GUCY1A2: variants seen among roughly 807,000 people sequenced by gnomAD.
The protein encoded by GUCY1A2 is guanylate cyclase soluble subunit alpha-2.
In GUCY1A2, 27 loss-of-function variants were observed where a neutral mutation model predicts 63.5. That is an observed-to-expected ratio of 0.43 (90% CI 0.31 to 0.59). The LOEUF (loss-of-function observed/expected upper bound fraction) is 0.59. GUCY1A2 is among the 20% of genes least tolerant of loss of function. The pLI is 0.11. For synonymous variants in GUCY1A2, 364 were observed against 343.5 expected (o/e 1.06, Z -0.66); for missense variants, 768 against 913.3 (o/e 0.84, Z 2.05).
At chr11:106,738,818 G>A (rs1422031012) in intron 6 of GUCY1A2, among the ~76,000 whole-genome samples, 1 of 152,118 alleles carries the variant, frequency 6.6e-6, no homozygotes, top group Admixed American at 6.6e-5. Context: ...TTTGAAGTCA[G>A]GTAGTGTGAT....
chr11:106,896,751 G>A (rs7127202), intron 4 of GUCY1A2, among the ~76,000 whole-genome samples: 111,274 of 152,148 alleles, frequency 0.73, 41,204 homozygotes, highest in African/African-American at 0.82. Flanking sequence ...AGCATCCCTC[G>A]CCAGACACCA....
At position 106,680,084 on chromosome 11, in the gene GUCY1A2, TC is replaced by T. The variant is rs1862407643; in HGVS notation, c.*7464del. The stretch of plus-strand genomic sequence containing the variant: ...CTCTCCTTTAAGAGTCTCTACATCT[TC>T]CTGAATAAAAAACTAACTCTCTTTG... On this transcript the variant is annotated 3_prime_UTR_variant, in exon 8 of 8. Coordinates refer to ENST00000526355, the MANE Select transcript of GUCY1A2 (RefSeq NM_000855.3). 4.6e-6 allele frequency: 1 copy of T among 215,428 alleles called. No homozygotes were observed. The highest frequency in any genetic ancestry group is 9.4e-6 in the Non-Finnish European group (1 of 106,922). 13.3% of individuals were successfully genotyped at this position (215,428 alleles called of 1,614,324 possible).
At chr11:106,846,064 T>C (rs1049208239) in intron 4 of GUCY1A2, among the ~76,000 whole-genome samples, 3 of 151,528 alleles carry the variant, frequency 2.0e-5, no homozygotes, top group South Asian at 2.1e-4. Context: ...TGTAGAACTC[T>C]AAAAAATGTT....
intron 4 of GUCY1A2, among the ~76,000 whole-genome samples, chr11:106,920,230 C>A (rs935976109): frequency 4.0e-5 from 6 of 151,580 alleles, no homozygotes; most frequent in African/African-American, 9.7e-5. Flanking sequence ...TGGAGCAGTG[C>A]AGAACTGGGA....
At chr11:106,955,620 T>C (rs910937729) in intron 3 of GUCY1A2, among the ~76,000 whole-genome samples, 3 of 152,184 alleles carry the variant, frequency 2.0e-5, no homozygotes, top group Non-Finnish European at 4.4e-5. Context: ...TATTAAATAT[T>C]GGCCCCCAAT....
intron 4 of GUCY1A2, among the ~76,000 whole-genome samples, chr11:106,825,726 A>G (rs935612782): frequency 1.3e-5 from 2 of 152,182 alleles, no homozygotes; most frequent in Non-Finnish European, 2.9e-5. Flanking sequence ...TGGGCCGCAC[A>G]TAAAACATGC....
At chr11:106,740,132 C>G (rs1825837) in intron 6 of GUCY1A2, among the ~76,000 whole-genome samples, 129,555 of 151,712 alleles carry the variant, frequency 0.85, 55,439 homozygotes, top group East Asian at 0.99. Context: ...CCAAGTAGCT[C>G]GGATTACAGG....
At chr11:106,930,646 T>G (rs1860588342) in intron 4 of GUCY1A2, among the ~76,000 whole-genome samples, 1 of 152,252 alleles carries the variant, frequency 6.6e-6, no homozygotes, top group South Asian at 2.1e-4. Context: ...GAAAAAATAC[T>G]AAGTTGATGT....
chr11:106,733,313 A>C (rs1403126511), intron 6 of GUCY1A2, among the ~76,000 whole-genome samples: 1 of 152,148 alleles, frequency 6.6e-6, no homozygotes, highest in African/African-American at 2.4e-5. Flanking sequence ...AGTTGTAGTC[A>C]AAATATTTGA....
At chr11:106,916,003 G>T (rs1228181151) in intron 4 of GUCY1A2, among the ~76,000 whole-genome samples, 1 of 144,590 alleles carries the variant, frequency 6.9e-6, no homozygotes, top group Non-Finnish European at 1.6e-5. Flanking sequence ...GGGGAACAAG[G>T]GAAAGTAAGG....
chr11:106,893,607 G>A (rs1210091292), intron 4 of GUCY1A2, among the ~76,000 whole-genome samples: 1 of 152,096 alleles, frequency 6.6e-6, no homozygotes, highest in Non-Finnish European at 1.5e-5. Context: ...CTAACAATAA[G>A]TAAAAAGCAG....
At chr11:106,852,700 T>G (rs1406698737) in intron 4 of GUCY1A2, among the ~76,000 whole-genome samples, 1 of 152,108 alleles carries the variant, frequency 6.6e-6, no homozygotes, top group Non-Finnish European at 1.5e-5. Context: ...GAAATCGGGT[T>G]TGGTTTGCTA....
intron 5 of GUCY1A2, among the ~76,000 whole-genome samples, chr11:106,794,040 G>T (rs1226662096): frequency 1.3e-5 from 2 of 152,098 alleles, no homozygotes; most frequent in African/African-American, 4.8e-5. Flanking sequence ...AGAGATATCT[G>T]CACTTCCATG....
chr11:106,744,586 A>C (rs3912584), intron 6 of GUCY1A2, among the ~76,000 whole-genome samples: 34,507 of 151,952 alleles, frequency 0.23, 4,052 homozygotes, highest in South Asian at 0.27. Flanking sequence ...GCTTATGAAA[A>C]GTAATAAGCA....
At chr11:106,849,403 T>C (rs1591301075) in intron 4 of GUCY1A2, among the ~76,000 whole-genome samples, 1 of 150,742 alleles carries the variant, frequency 6.6e-6, no homozygotes, top group African/African-American at 2.4e-5. Context: ...AGCCTGCATA[T>C]GGTAATTATA....
intron 5 of GUCY1A2, among the ~76,000 whole-genome samples, chr11:106,805,093 C>T (rs963813047): frequency 6.6e-6 from 1 of 152,134 alleles, no homozygotes; most frequent in Non-Finnish European, 1.5e-5. Flanking sequence ...CCTGGTATTA[C>T]CTGGTTGCCC....
chr11:106,842,508 A>T (rs529057886), intron 4 of GUCY1A2, among the ~76,000 whole-genome samples: 1 of 152,024 alleles, frequency 6.6e-6, no homozygotes, highest in Non-Finnish European at 1.5e-5. Flanking sequence ...AAGACTAAAA[A>T]TGGCATTAGT....
chr11:106,893,162 A>T (rs1859997499), intron 4 of GUCY1A2, among the ~76,000 whole-genome samples: 1 of 152,186 alleles, frequency 6.6e-6, no homozygotes, highest in Non-Finnish European at 1.5e-5. Context: ...CGAGAAAAAT[A>T]TCTTACAAGA....
intron 6 of GUCY1A2, among the ~76,000 whole-genome samples, chr11:106,762,269 T>C (rs1015983548): frequency 3.3e-5 from 5 of 152,066 alleles, no homozygotes; most frequent in African/African-American, 1.2e-4. Flanking sequence ...TGGCAAAAAG[T>C]TGCAAATATA....
Sources: allele counts gnomAD v4.1 joint callset (sites outside exome capture counted in the v4.1 genomes callset), GRCh38; gene constraint gnomAD v4.1.1; transcripts MANE v1.5; gene names NCBI Gene and HGNC (gene_info 2026-07-23, HGNC 2026-07-21).